ADCY1: variants seen among roughly 807,000 people sequenced by gnomAD.
ADCY1 encodes adenylate cyclase type 1.
A neutral mutation model predicts 105.4 loss-of-function variants in ADCY1; 28 were observed. The observed-to-expected ratio is 0.27, with a 90% CI of 0.20 to 0.36. ADCY1 has a LOEUF of 0.36. Ranked by LOEUF, ADCY1 falls within the 10% of genes least tolerant of loss-of-function variation. The pLI is 1.00. For synonymous variants in ADCY1, 655 were observed against 623.8 expected (o/e 1.05, Z -0.75); for missense variants, 977 against 1,434.2 (o/e 0.68, Z 5.15).
chr7:45,613,978 T>C (rs912600395), intron 3 of ADCY1, among the ~76,000 whole-genome samples: 1 of 152,098 alleles, frequency 6.6e-6, no homozygotes, highest in Non-Finnish European at 1.5e-5. Flanking sequence ...GCTGAGGAAG[T>C]TCATGACTAA....
intron 17 of ADCY1, among the ~76,000 whole-genome samples, chr7:45,707,180 A>G (rs1040039993): frequency 6.6e-6 from 1 of 152,200 alleles, no homozygotes; most frequent in Admixed American, 6.5e-5. Context: ...ATGTTACCAT[A>G]TGATCCAGCA....
Position 45,684,995 on chromosome 7 carries a change from T to C in ADCY1, c.2000T>C (p.Leu667Pro). 6.2e-7 allele frequency: 1 copy of C among 1,614,178 alleles called. No individual in the cohort carries two copies. The highest frequency in any genetic ancestry group is 1.1e-5 in the South Asian group (1 of 91,086). Residue 667 changes from leucine to proline, a missense_variant, in exon 12 of 20, where the codon CTG (leucine) becomes CCG (proline). This residue lies in a region of ADCY1 where 275 missense variants were observed against 362.1 expected (regional missense o/e 0.76). Coordinates refer to ENST00000297323, the MANE Select transcript of ADCY1 (RefSeq NM_021116.4). The stretch of plus-strand genomic sequence containing the variant: ...CTTATTCAGTGTTTTCCAGGGTGCC[T>C]GACGATTCAGATTCGCACTGTCCTG... ...ITRVQCFPGC[L>P]TIQIRTVLCI...
intron 16 of ADCY1, among the ~76,000 whole-genome samples, chr7:45,704,165 G>A (rs1344956032): frequency 6.6e-6 from 1 of 151,638 alleles, no homozygotes; most frequent in Non-Finnish European, 1.5e-5. Flanking sequence ...TCTACAGATG[G>A]GCAGGCAGGC....
At chr7:45,694,436 A>C (rs1023685698) in intron 14 of ADCY1, among the ~76,000 whole-genome samples, 8 of 152,228 alleles carry the variant, frequency 5.3e-5, no homozygotes, top group African/African-American at 1.7e-4. Flanking sequence ...ACTACATATG[A>C]GATCAACATT....
intron 14 of ADCY1, among the ~76,000 whole-genome samples, chr7:45,697,992 G>A (rs1210725409): frequency 6.6e-6 from 1 of 152,176 alleles, no homozygotes; most frequent in South Asian, 2.1e-4. Flanking sequence ...CCCCAGCTAT[G>A]ACATCACCAC....
intron 8 of ADCY1, among the ~76,000 whole-genome samples, chr7:45,675,628 GA>G (rs1312157082): frequency 5.9e-5 from 9 of 151,754 alleles, no homozygotes; most frequent in Non-Finnish European, 1.3e-4. Flanking sequence ...AATTTTGCTA[GA>G]TGTTGAATTC....
At chr7:45,593,650 C>A (rs1792990116) in intron 2 of ADCY1, among the ~76,000 whole-genome samples, 1 of 152,216 alleles carries the variant, frequency 6.6e-6, no homozygotes, top group South Asian at 2.1e-4. Flanking sequence ...AGATTCTTCC[C>A]CTAGCCTTGG....
At chr7:45,694,416 A>C (rs1185255450) in intron 14 of ADCY1, among the ~76,000 whole-genome samples, 1 of 152,206 alleles carries the variant, frequency 6.6e-6, no homozygotes, top group Non-Finnish European at 1.5e-5. Context: ...AGTAATATGA[A>C]CCAAATGAAA....
chr7:45,576,411 G>A (rs910389992), intron 1 of ADCY1, among the ~76,000 whole-genome samples: 1 of 152,116 alleles, frequency 6.6e-6, no homozygotes, highest in Admixed American at 6.5e-5. Flanking sequence ...TGTGTCTTAG[G>A]GTCAGAGAGA....
rs534311105 is a variant in ADCY1, at chr7:45,697,892, C to G, written c.2455-5484C>G. 5.3e-5 allele frequency among the ~76,000 whole-genome samples: 8 copies of G among 152,262 alleles called. No homozygotes were observed. The East Asian group carries it at 1.5e-3, about 29-fold the overall frequency. ...CAGAGCCAGCCTCTGCATTCACCACCGCCGGTCCCAGCATTTCTGTGGGGG... is the reference window on the plus strand; with the variant it reads ...CAGAGCCAGCCTCTGCATTCACCACGGCCGGTCCCAGCATTTCTGTGGGGG... On this transcript the variant is annotated intron_variant, in intron 14 of 19. Transcript: ENST00000297323.
intron 1 of ADCY1, among the ~76,000 whole-genome samples, chr7:45,586,163 C>T (rs560684570): frequency 3.3e-5 from 5 of 152,194 alleles, no homozygotes; most frequent in African/African-American, 9.6e-5. Context: ...GCTGACCTCG[C>T]GAGTGTGCAT....
Position 45,686,415 on chromosome 7 carries a change from A to G in ADCY1, c.2328-132A>G, listed in dbSNP as rs1397860691. The G allele has an allele frequency of 1.4e-6, 2 of 1,445,540 alleles. No homozygotes were observed. Among genetic ancestry groups the G allele is most frequent in the South Asian group, 1.4e-5 (1 of 71,304 alleles). The allele number at this position is 1,445,540 out of a possible 1,614,324, so 89.5% of individuals were successfully genotyped here. On this transcript the variant is annotated intron_variant, in intron 13 of 19. Coordinates refer to ENST00000297323, the MANE Select transcript of ADCY1 (RefSeq NM_021116.4). The surrounding 1 kb of genome is among the most constrained non-coding windows in gnomAD (Gnocchi z 4.3). Reference sequence around the variant, plus strand: ...CCCTATGATAAGTGATTCTTGGCCAAGGTCAATCCCAGCAAGCTGTTTTTG... The same window carrying G: ...CCCTATGATAAGTGATTCTTGGCCAGGGTCAATCCCAGCAAGCTGTTTTTG...
intron 4 of ADCY1, among the ~76,000 whole-genome samples, chr7:45,634,503 G>A (rs1794346456): frequency 6.6e-6 from 1 of 151,114 alleles, no homozygotes; most frequent in Non-Finnish European, 1.5e-5. Flanking sequence ...GGATCATATG[G>A]TTTTTCTTTT....
chr7:45,605,662 G>T (rs886820313), intron 2 of ADCY1, among the ~76,000 whole-genome samples: 3 of 151,770 alleles, frequency 2.0e-5, no homozygotes, highest in Non-Finnish European at 4.4e-5. Context: ...ATGTGTTTGG[G>T]GTATATACTT....
In ADCY1 at chr7:45,679,685, A is replaced by T. The variant is rs1230767630; in HGVS notation, c.1899-24A>T. ...CTCTCCTAATCCCCACCTATCAGTG[A>T]CTCTCATGTTTTCTGTCCCCCAGGA... On this transcript the variant is annotated intron_variant, in intron 10 of 19. Coordinates refer to ENST00000297323, the MANE Select transcript of ADCY1 (RefSeq NM_021116.4). The T allele has an allele frequency of 1.9e-6, 3 of 1,613,178 alleles. No individual in the cohort carries two copies. In the Admixed American group the frequency reaches 5.0e-5, roughly 27 times the overall value.
In ADCY1 at chr7:45,574,959, C is replaced by G; in HGVS notation, c.416C>G (p.Pro139Arg). Residue 139 changes from proline to arginine, a missense_variant, in exon 1 of 20, where the codon CCT becomes CGT. Physicochemically the swap from Pro to Arg is moderately radical, Grantham distance 103 (BLOSUM62 -2). Coordinates refer to ENST00000297323, the MANE Select transcript of ADCY1 (RefSeq NM_021116.4). The surrounding 1 kb of genome is among the most constrained non-coding windows in gnomAD (Gnocchi z 7.0). ...CTCACCTTCGCGCTGCTCTGCTGTCCTTTCGCGCTGGGCGGCCCCGCCCGG... is the reference window on the plus strand; with the variant it reads ...CTCACCTTCGCGCTGCTCTGCTGTCGTTTCGCGCTGGGCGGCCCCGCCCGG... ...FSLTFALLCC[P>R]FALGGPARGS... The G allele has an allele frequency of 6.2e-7, 1 of 1,611,690 alleles. No homozygotes were observed. Among genetic ancestry groups the G allele is most frequent in the Non-Finnish European group, 8.5e-7 (1 of 1,179,482 alleles).
At chr7:45,631,420 G>T (rs866110720) in intron 4 of ADCY1, among the ~76,000 whole-genome samples, 1 of 152,166 alleles carries the variant, frequency 6.6e-6, no homozygotes, top group South Asian at 2.1e-4. Context: ...CTAATCACTG[G>T]TACGGGCATA....
intron 8 of ADCY1, among the ~76,000 whole-genome samples, chr7:45,670,920 C>T (rs1224717114): frequency 6.6e-6 from 1 of 152,210 alleles, no homozygotes; most frequent in African/African-American, 2.4e-5. Flanking sequence ...ACTGTCAGAC[C>T]AGGGAGCAGT....
intron 3 of ADCY1, among the ~76,000 whole-genome samples, chr7:45,611,224 G>T (rs1004125114): frequency 2.9e-4 from 44 of 151,790 alleles, no homozygotes; most frequent in Non-Finnish European, 5.2e-4. Context: ...GGTCTCAGTT[G>T]TGAAGGGAGG....
Sources: gnomAD v4.1 joint callset for allele counts (sites outside exome capture counted in the v4.1 genomes callset) on GRCh38, gnomAD v4.1.1 for gene constraint, gnomAD v4.1.1 regional missense constraint, Gnocchi (gnomAD v3.1) non-coding constraint, MANE v1.5 for transcripts, NCBI Gene and HGNC (gene_info 2026-07-23, HGNC 2026-07-21) for gene names.